EIF2B3: variants seen among roughly 807,000 people sequenced by gnomAD.
EIF2B3 encodes the protein translation initiation factor eIF2B subunit gamma.
A neutral mutation model predicts 54.1 loss-of-function variants in EIF2B3; 20 were observed. The observed-to-expected ratio is 0.37, with a 90% CI of 0.26 to 0.54. EIF2B3 has a LOEUF of 0.54. EIF2B3 is among the 20% of genes least tolerant of loss of function. The probability of loss-of-function intolerance (pLI) is 0.86; values close to 1 mark genes in which losing one functional copy is unlikely to be tolerated. For synonymous variants in EIF2B3, 153 were observed against 188.1 expected, an observed-to-expected ratio of 0.81 and a Z score of 1.52; for missense variants, 448 against 547.8, an observed-to-expected ratio of 0.82 and a Z score of 1.82.
intron 10 of EIF2B3, among the ~76,000 whole-genome samples, chr1:44,866,410 A>AC (rs201897379): frequency 6.6e-6 from 1 of 151,296 alleles, no homozygotes; most frequent in Non-Finnish European, 1.5e-5. Context: ...AAAAAAAAAA[A>AC]CAAACAAAAC....
chr1:44,902,521 G>T (rs1470041278), intron 5 of EIF2B3, among the ~76,000 whole-genome samples: 1 of 151,804 alleles, frequency 6.6e-6, no homozygotes, highest in African/African-American at 2.4e-5. Context: ...AAGAAAAAAA[G>T]AAAGAAAGAA....
At chr1:44,931,638 GATA>G (rs567875986) in intron 4 of EIF2B3, among the ~76,000 whole-genome samples, 54 of 152,298 alleles carry the variant, frequency 3.5e-4, no homozygotes, top group South Asian at 1.0e-3. Context: ...CATGTAAAAG[GATA>G]ATAAGCCATG....
chr1:44,877,536 T>C (rs990540863), intron 8 of EIF2B3, among the ~76,000 whole-genome samples: 6 of 152,108 alleles, frequency 3.9e-5, no homozygotes, highest in Non-Finnish European at 8.8e-5. Context: ...GGGTTCCTGG[T>C]CACCTCCTGG....
intron 11 of EIF2B3, 145 bp downstream of exon 11, chr1:44,857,559 C>A: frequency 1.3e-6 from 1 of 742,508 alleles, no homozygotes. Flanking sequence ...GTGATGTCAA[C>A]TGCTCTCCAA....
intron 8 of EIF2B3, among the ~76,000 whole-genome samples, chr1:44,877,213 A>AAAC (rs1557666567): frequency 1.0e-4 from 15 of 148,362 alleles, no homozygotes; most frequent in Non-Finnish European, 1.3e-4. Context: ...AAAAAAAAAA[A>AAAC]AAAAAAAAAC....
At chr1:44,948,103 A>G (rs577378487) in intron 3 of EIF2B3, among the ~76,000 whole-genome samples, 1 of 152,330 alleles carries the variant, frequency 6.6e-6, no homozygotes, top group South Asian at 2.1e-4. Context: ...TATAGTCCTC[A>G]AAGTGCAAGG....
At chr1:44,905,846 A>C (rs941422111) in intron 5 of EIF2B3, among the ~76,000 whole-genome samples, 1 of 152,238 alleles carries the variant, frequency 6.6e-6, no homozygotes, top group African/African-American at 2.4e-5. Context: ...CATCACACAG[A>C]CTAATGAGAG....
chr1:44,959,881 A>G (rs1175063753), intron 3 of EIF2B3, among the ~76,000 whole-genome samples: 2 of 152,170 alleles, frequency 1.3e-5, no homozygotes, highest in Non-Finnish European at 2.9e-5. Flanking sequence ...TTATGCCTTA[A>G]GTACCTGTGT....
intron 5 of EIF2B3, among the ~76,000 whole-genome samples, chr1:44,907,481 C>T (rs1643433489): frequency 6.6e-6 from 1 of 152,122 alleles, no homozygotes; most frequent in Non-Finnish European, 1.5e-5. Context: ...TTGCTTGAAC[C>T]AGGAAGTCAG....
At chr1:44,960,093 G>A (rs1259575605) in intron 3 of EIF2B3, among the ~76,000 whole-genome samples, 1 of 152,066 alleles carries the variant, frequency 6.6e-6, no homozygotes, top group Non-Finnish European at 1.5e-5. Flanking sequence ...AACTTGTTTG[G>A]AGGTGTGCTT....
intron 10 of EIF2B3, among the ~76,000 whole-genome samples, chr1:44,861,370 A>T (rs768785033): frequency 4.6e-5 from 7 of 152,136 alleles, no homozygotes; most frequent in African/African-American, 7.2e-5. Context: ...TTCTTTTTCC[A>T]AGGTGGTAGT....
chr1:44,869,329 C>A (rs1470122645), intron 10 of EIF2B3, among the ~76,000 whole-genome samples: 1 of 151,662 alleles, frequency 6.6e-6, no homozygotes, highest in Non-Finnish European at 1.5e-5. Context: ...AACACAAAAA[C>A]TACCAGGGTG....
chr1:44,850,969 G>C lies in EIF2B3; in HGVS notation c.1341C>G (p.Asp447Glu). 1.2e-6 allele frequency: 2 copies of C among 1,614,130 alleles called. No homozygotes were observed. The highest frequency in any genetic ancestry group is 1.7e-6 in the Non-Finnish European group (2 of 1,180,036). ...TCAGAACTCAGATCTCCATGAGCTG[G>C]TCATTCCCCACGATCACCTCATTCA... ...KRVNEVIVGN[D>E]QLMEI The change falls in exon 12 of 12, where the codon GAC (aspartate) becomes GAG (glutamate). Residue 447 changes from aspartate to glutamate, a missense_variant. This residue lies in a region of EIF2B3 where 350 missense variants were observed against 414.2 expected (regional missense o/e 0.85). Transcript: ENST00000360403.
At chr1:44,958,966 C>T in intron 3 of EIF2B3, 1 of 771,038 alleles carries the variant, frequency 1.3e-6, no homozygotes, top group Non-Finnish European at 2.3e-6. Context: ...GTAGAATTGA[C>T]CTCTATGAAA....
intron 3 of EIF2B3, among the ~76,000 whole-genome samples, chr1:44,943,187 TAA>T (rs936745683): frequency 6.7e-6 from 1 of 148,254 alleles, no homozygotes. Context: ...ATTTTTAAAT[TAA>T]AAAAAAAATA....
At chr1:44,980,608 G>C (rs1048806522) in intron 2 of EIF2B3, among the ~76,000 whole-genome samples, 3 of 152,170 alleles carry the variant, frequency 2.0e-5, no homozygotes, top group Admixed American at 2.0e-4. Flanking sequence ...GGCCTGAGCT[G>C]TCTTTTCAAT....
At chr1:44,952,837 C>T (rs1422836828) in intron 3 of EIF2B3, among the ~76,000 whole-genome samples, 1 of 152,146 alleles carries the variant, frequency 6.6e-6, no homozygotes, top group East Asian at 1.9e-4. Context: ...CAGGCATGAG[C>T]CACCACGCCT....
intron 5 of EIF2B3, among the ~76,000 whole-genome samples, chr1:44,907,400 A>G (rs1466996459): frequency 6.6e-6 from 1 of 151,880 alleles, no homozygotes; most frequent in Non-Finnish European, 1.5e-5. Flanking sequence ...TCTACTAAAA[A>G]TACAAAAATT....
intron 3 of EIF2B3, among the ~76,000 whole-genome samples, chr1:44,950,299 C>T (rs529170005): frequency 6.6e-6 from 1 of 152,112 alleles, no homozygotes; most frequent in Non-Finnish European, 1.5e-5. Flanking sequence ...TGGTGCATGC[C>T]TGTAGTCCCA....
Sources: allele counts gnomAD v4.1 joint callset (sites outside exome capture counted in the v4.1 genomes callset), GRCh38; gene constraint gnomAD v4.1.1; regional missense constraint gnomAD v4.1.1; transcripts MANE v1.5; gene names NCBI Gene and HGNC (gene_info 2026-07-23, HGNC 2026-07-21).